Variants in SPECC1 observed in about 807,000 individuals in gnomAD.
SPECC1 encodes cytospin-B.
Under a neutral mutation model 104.1 loss-of-function variants are expected in SPECC1, and 62 were observed. The ratio of observed to expected loss-of-function variants is 0.60; its 90% CI spans 0.49 to 0.74. The LOEUF (loss-of-function observed/expected upper bound fraction) is 0.74. SPECC1 is among the 30% of genes least tolerant of loss of function. The pLI is 0.00. For missense variants in SPECC1, 1,306 were observed against 1,310.5 expected (o/e 1.00, Z 0.05); for synonymous variants, 513 against 501.6 (o/e 1.02, Z -0.30).
chr17:20,219,912 A>G (rs1346186112), intron 4 of SPECC1, among the ~76,000 whole-genome samples: 1 of 152,078 alleles, frequency 6.6e-6, no homozygotes, highest in African/African-American at 2.4e-5. Context: ...CAGTTTTCCT[A>G]GCACCATTTA....
In SPECC1 at chr17:20,109,947, C is replaced by CT. The variant is rs199855578; in HGVS notation, c.148-478dup. The stretch of plus-strand genomic sequence containing the variant: ...AATCATAGCTTACTGCAACCTTGAA[C>CT]TTCTGGGCTCAAGCAATCCTCTCAC... On this transcript the variant is annotated intron_variant, in intron 2 of 14. Transcript: ENST00000395527. 6.6e-3 allele frequency among the ~76,000 whole-genome samples: 1,010 copies of CT among 152,260 alleles called. 9 individuals carry two copies. The highest frequency in any genetic ancestry group is 0.023 in the African/African-American group (954 of 41,540).
At chr17:20,088,567 C>A (rs1293128995) in intron 1 of SPECC1, among the ~76,000 whole-genome samples, 1 of 152,084 alleles carries the variant, frequency 6.6e-6, no homozygotes, top group East Asian at 1.9e-4. Flanking sequence ...TTGGCATAAG[C>A]CTAAAAGGAG....
intron 13 of SPECC1, among the ~76,000 whole-genome samples, chr17:20,300,717 G>A (rs898598105): frequency 1.8e-4 from 28 of 152,242 alleles, no homozygotes; most frequent in African/African-American, 5.8e-4. Context: ...TCCCGCAGCC[G>A]TGGCAGCATG....
intron 14 of SPECC1, among the ~76,000 whole-genome samples, chr17:20,310,438 A>T (rs776754839): frequency 2.6e-5 from 4 of 152,186 alleles, no homozygotes; most frequent in African/African-American, 4.8e-5. Context: ...CTGGTGTGAG[A>T]TGATGAGATC....
chr17:20,036,737 A>G (rs58313980), intron 1 of SPECC1, among the ~76,000 whole-genome samples: 16,824 of 152,154 alleles, frequency 0.11, 949 homozygotes, highest in Non-Finnish European at 0.12. Context: ...CTATGAGACA[A>G]TCATGTCATC....
chr17:20,196,205 C>G (rs1047963686), intron 3 of SPECC1, among the ~76,000 whole-genome samples: 2 of 152,234 alleles, frequency 1.3e-5, no homozygotes, highest in African/African-American at 4.8e-5. Context: ...ATTCTACTTT[C>G]CTTACACACC....
intron 1 of SPECC1, among the ~76,000 whole-genome samples, chr17:20,065,312 G>T (rs184949612): frequency 7.9e-5 from 12 of 152,294 alleles, no homozygotes; most frequent in African/African-American, 1.9e-4. Context: ...CCCCAAGGCT[G>T]CCTCCTTCTC....
intron 2 of SPECC1, among the ~76,000 whole-genome samples, chr17:20,105,615 C>T (rs1199816569): frequency 2.6e-5 from 4 of 152,196 alleles, no homozygotes; most frequent in African/African-American, 7.2e-5. Flanking sequence ...CAGCCCTGAG[C>T]ATGGTGCTGC....
chr17:20,093,047 G>A (rs201772259), intron 1 of SPECC1, among the ~76,000 whole-genome samples: 2 of 152,246 alleles, frequency 1.3e-5, no homozygotes, highest in East Asian at 3.9e-4. Flanking sequence ...AACCTCCCTT[G>A]GGGAAATGAA....
chr17:20,235,179 C>T (rs2038834943), intron 7 of SPECC1, among the ~76,000 whole-genome samples: 1 of 152,170 alleles, frequency 6.6e-6, no homozygotes, highest in Non-Finnish European at 1.5e-5. Flanking sequence ...TAAGAAACTC[C>T]AGTGCCAGCC....
Position 20,314,295 on chromosome 17 carries a change from T to TGTGGGATGCTTCTAAA in SPECC1, c.*232_*247dup, listed in dbSNP as rs2042005214. 2 of 558,198 alleles carry TGTGGGATGCTTCTAAA rather than the reference T, an allele frequency of 3.6e-6. No individual in the cohort carries two copies. The highest frequency in any genetic ancestry group is 6.5e-6 in the Non-Finnish European group (2 of 308,640). 34.6% of individuals were successfully genotyped at this position (558,198 alleles called of 1,614,324 possible). ...GTAAATTGGGGACTCTTTGATCTCT[T>TGTGGGATGCTTCTAAA]GTGGGATGCTTCTAAAGAGGGCAGC... On this transcript the variant is annotated 3_prime_UTR_variant, in exon 15 of 15. Transcript: ENST00000395527.
chr17:20,103,658 T>C (rs954415951), intron 2 of SPECC1, among the ~76,000 whole-genome samples: 1 of 152,078 alleles, frequency 6.6e-6, no homozygotes, highest in African/African-American at 2.4e-5. Context: ...CCCTTCCCTC[T>C]CCCACATACA....
At position 20,318,948 on chromosome 17, in the gene SPECC1, A is replaced by G. The variant is rs2042071933; in HGVS notation, c.*4883A>G. 5.4e-6 allele frequency: 1 copy of G among 185,384 alleles called. No individual in the cohort carries two copies. The highest frequency in any genetic ancestry group is 2.3e-5 in the African/African-American group (1 of 42,602). The allele number at this position is 185,384 out of a possible 1,614,324, so 11.5% of individuals were successfully genotyped here. A position where few individuals can be genotyped will look rare whatever the true frequency, so the allele number is the denominator to read the frequency against. On this transcript the variant is annotated 3_prime_UTR_variant, in exon 15 of 15. Coordinates refer to ENST00000395527, the MANE Select transcript of SPECC1 (RefSeq NM_001243439.2). ...CACTTTTGGATATGACATGCTAATT[A>G]GATGTATTTAACTATTCATAGGAAA...
chr17:20,016,417 C>A (rs1196711255), intron 1 of SPECC1, among the ~76,000 whole-genome samples: 1 of 152,150 alleles, frequency 6.6e-6, no homozygotes, highest in African/African-American at 2.4e-5. Context: ...CCTTTCTGGG[C>A]TGGCCAAGGC....
rs1302720354 is a variant in SPECC1, at chr17:20,271,135, C to G, written c.2940+10841C>G. Among the ~76,000 whole-genome samples, 12 of 151,664 alleles carry G rather than the reference C, an allele frequency of 7.9e-5. 1 individual carries two copies. The highest frequency in any genetic ancestry group is 7.9e-4 in the Admixed American group (12 of 15,218). On this transcript the variant is annotated intron_variant, in intron 12 of 14. Transcript: ENST00000395527. ...GCCCACAATCAGGTATGCAGAGATC[C>G]TGATGAGCAAAGCAGTCAGCCGGCC...
chr17:20,261,926 C>A (rs76242567), intron 12 of SPECC1, among the ~76,000 whole-genome samples: 2,253 of 152,298 alleles, frequency 0.015, 37 homozygotes, highest in African/African-American at 0.047. Flanking sequence ...CTATGACTTT[C>A]CCATCATAGC....
chr17:20,193,131 A>G (rs1555624731), intron 3 of SPECC1, among the ~76,000 whole-genome samples: 1 of 152,190 alleles, frequency 6.6e-6, no homozygotes, highest in Non-Finnish European at 1.5e-5. Context: ...AATTTCCTGA[A>G]GTTGCTATGA....
chr17:20,171,961 G>A (rs2034125820), intron 3 of SPECC1, among the ~76,000 whole-genome samples: 1 of 152,210 alleles, frequency 6.6e-6, no homozygotes. Flanking sequence ...ACTGTATACA[G>A]ACCAGAAGTG....
At chr17:20,116,629 G>A (rs1008981446) in intron 3 of SPECC1, among the ~76,000 whole-genome samples, 1 of 151,996 alleles carries the variant, frequency 6.6e-6, no homozygotes, top group Non-Finnish European at 1.5e-5. Context: ...GATATAAAAT[G>A]TAATAAGGAT....
Sources: allele counts gnomAD v4.1 joint callset (sites outside exome capture counted in the v4.1 genomes callset), GRCh38; gene constraint gnomAD v4.1.1; transcripts MANE v1.5; gene names NCBI Gene and HGNC (gene_info 2026-07-23, HGNC 2026-07-21).